The following HAS2 variants were observed in gnomAD, a reference collection of about 807,000 sequenced individuals.
The protein encoded by HAS2 is HA synthase 2.
In HAS2, 16 loss-of-function variants were observed where a neutral mutation model predicts 51.6. That is an observed-to-expected ratio of 0.31 (90% CI 0.21 to 0.47). The LOEUF is 0.47. Among genes scored for constraint, HAS2 ranks in the 20% least tolerant of loss-of-function variants. The probability of loss-of-function intolerance (pLI) is 1.00; values close to 1 mark genes in which losing one functional copy is unlikely to be tolerated. For synonymous variants in HAS2, 228 were observed against 235.5 expected, an observed-to-expected ratio of 0.97 and a Z score of 0.29; for missense variants, 361 against 662.6, an observed-to-expected ratio of 0.54 and a Z score of 5.00.
At chr8:121,619,367 C>T (rs1258680338) in intron 2 of HAS2, among the ~76,000 whole-genome samples, 2 of 152,060 alleles carry the variant, frequency 1.3e-5, no homozygotes, top group African/African-American at 4.8e-5. Context: ...TATGGGGCAT[C>T]AGAAGGTGAA....
At chr8:121,639,384 G>A (rs996863404) in intron 1 of HAS2, 46 of 152,594 alleles carry the variant, frequency 3.0e-4, no homozygotes, top group Admixed American at 2.4e-3. Flanking sequence ...ACGGTCCCAA[G>A]GGTGAGGGAG....
chr8:121,614,543 AGAG>A lies in HAS2; in HGVS notation c.1222_1224del (p.Leu408del). 6.2e-7 allele frequency: 1 copy of A among 1,614,202 alleles called. No homozygotes were observed. The highest frequency in any genetic ancestry group is 8.5e-7 in the Non-Finnish European group (1 of 1,179,996). On this transcript the variant is annotated inframe_deletion, in exon 4 of 4. Transcript: ENST00000303924. This position sits in a 1 kb window ranked among gnomAD's most constrained non-coding sequence, Gnocchi z 7.2. ...CCTACTAGCTGGACAGTTAACAAGAAGAGGAGAATGTTCCAAATTTTACCCCGG... is the reference window on the plus strand; with the variant it reads ...CCTACTAGCTGGACAGTTAACAAGAAGAGAATGTTCCAAATTTTACCCCGG...
At chr8:121,638,578 T>C (rs1813044242) in intron 1 of HAS2, among the ~76,000 whole-genome samples, 2 of 152,216 alleles carry the variant, frequency 1.3e-5, no homozygotes, top group Admixed American at 1.3e-4. Context: ...TCTAGAAATG[T>C]CCACTTAAAA....
intron 1 of HAS2, among the ~76,000 whole-genome samples, chr8:121,632,449 C>A (rs1432539395): frequency 3.3e-5 from 5 of 152,114 alleles, no homozygotes; most frequent in African/African-American, 1.2e-4. Context: ...GAAATCTACA[C>A]TCTCTAAATA....
intron 2 of HAS2, among the ~76,000 whole-genome samples, chr8:121,625,037 G>A (rs1369429295): frequency 2.0e-5 from 3 of 146,748 alleles, no homozygotes; most frequent in Non-Finnish European, 4.5e-5. Context: ...GGCGGAGCTT[G>A]CAGTGAGCCA....
At chr8:121,619,203 C>CCAT (rs1812745153) in intron 2 of HAS2, among the ~76,000 whole-genome samples, 1 of 151,546 alleles carries the variant, frequency 6.6e-6, no homozygotes, top group South Asian at 2.1e-4. Context: ...CAACAAGACC[C>CCAT]CATCTCAAAA....
At position 121,631,782 on chromosome 8, in the gene HAS2, C is replaced by T. The variant is rs930551140; in HGVS notation, c.1-2442G>A. On this transcript the variant is annotated intron_variant, in intron 1 of 3. Coordinates refer to ENST00000303924, the MANE Select transcript of HAS2 (RefSeq NM_005328.3). ...GACTTGGAACTTGTCATTTCCAAGACGTGAGTCATTCTCACAAGAGTGAAA... is the reference window on the plus strand; with the variant it reads ...GACTTGGAACTTGTCATTTCCAAGATGTGAGTCATTCTCACAAGAGTGAAA... 9.8e-5 allele frequency among the ~76,000 whole-genome samples: 15 copies of T among 152,340 alleles called. No individual in the cohort carries two copies. The East Asian group carries it at 2.3e-3, about 24-fold the overall frequency.
At chr8:121,623,389 A>C (rs1812800329) in intron 2 of HAS2, among the ~76,000 whole-genome samples, 2 of 152,160 alleles carry the variant, frequency 1.3e-5, no homozygotes, top group Non-Finnish European at 2.9e-5. Flanking sequence ...ACCATGAAGG[A>C]CCCTTATTCC....
At chr8:121,615,077 C>A in intron 3 of HAS2, 39 bp from the exon 4 acceptor site, 2 of 1,452,246 alleles carry the variant, frequency 1.4e-6, no homozygotes, top group Non-Finnish European at 1.9e-6. Context: ...TAAGCTTTAG[C>A]TAAAAATTCC....
At chr8:121,627,520 AAAC>A (rs1392875778) in intron 2 of HAS2, among the ~76,000 whole-genome samples, 2 of 152,342 alleles carry the variant, frequency 1.3e-5, no homozygotes, top group African/African-American at 2.4e-5. Context: ...AAATGATAAT[AAAC>A]AACAATATTA....
chr8:121,619,115 C>T (rs1273149605), intron 2 of HAS2, among the ~76,000 whole-genome samples: 1 of 151,830 alleles, frequency 6.6e-6, no homozygotes, highest in African/African-American at 2.4e-5. Context: ...TGGCTAACAC[C>T]TGTGTTAGGA....
chr8:121,636,688 G>GA (rs911818757), intron 1 of HAS2, among the ~76,000 whole-genome samples: 4 of 152,138 alleles, frequency 2.6e-5, no homozygotes, highest in African/African-American at 9.6e-5. Flanking sequence ...CAGTGTAGGG[G>GA]AAAAAAATTA....
chr8:121,629,710 A>C (rs1235214473), intron 1 of HAS2, among the ~76,000 whole-genome samples: 1 of 152,162 alleles, frequency 6.6e-6, no homozygotes, highest in African/African-American at 2.4e-5. Flanking sequence ...GAAGTTTCTA[A>C]CACCCAAAGA....
rs1283737421 is a variant in HAS2 at position 121,613,848 on chromosome 8, C to T, written c.*261G>A. 6 of 508,022 alleles carry T rather than the reference C, an allele frequency of 1.2e-5. No individual in the cohort carries two copies. The highest frequency in any genetic ancestry group is 3.3e-5 in the Admixed American group (1 of 30,660). The allele number at this position is 508,022 out of a possible 1,614,324, so 31.5% of individuals were successfully genotyped here. On this transcript the variant is annotated 3_prime_UTR_variant, in exon 4 of 4. Transcript: ENST00000303924. ...GTATATAGGGCAAAACACTTTCAGG[C>T]GGATGCACAGTAAGGAAAAAGTGCA... is the stretch of plus-strand genomic sequence containing the variant.
intron 2 of HAS2, among the ~76,000 whole-genome samples, chr8:121,622,686 C>CAA (rs201376901): frequency 3.1e-4 from 41 of 132,284 alleles, no homozygotes; most frequent in African/African-American, 1.1e-3. Context: ...CTCATACAAC[C>CAA]AAAAAAAAAA....
rs1174568728 is a variant in HAS2 at position 121,641,054 on chromosome 8, AT to A, written c.-203del. The stretch of plus-strand genomic sequence containing the variant: ...GTTTGATTCTTCCCCACTTTAAAAA[AT>A]AATTTCACTAATATTCTCTTTATGT... On this transcript the variant is annotated 5_prime_UTR_variant, in exon 1 of 4. Coordinates refer to ENST00000303924, the MANE Select transcript of HAS2 (RefSeq NM_005328.3). 6.6e-6 allele frequency: 1 copy of A among 151,782 alleles called. No individual in the cohort carries two copies. The highest frequency in any genetic ancestry group is 1.5e-5 in the Non-Finnish European group (1 of 68,004). 9.4% of individuals were successfully genotyped at this position (151,782 alleles called of 1,614,324 possible).
Position 121,639,021 on chromosome 8 carries a change from G to A in HAS2, c.-1+1832C>T, listed in dbSNP as rs376908665. ...TAACCTTTTTTAAAAATAATAACCT[G>A]GTTTAATACCGCCAGAAGTACTTAT... On this transcript the variant is annotated intron_variant, in intron 1 of 3. Coordinates refer to ENST00000303924, the MANE Select transcript of HAS2 (RefSeq NM_005328.3). Among the ~76,000 whole-genome samples the A allele has an allele frequency of 3.3e-5, 5 of 152,220 alleles. 1 individual carries two copies. The East Asian group carries it at 9.6e-4, about 29-fold the overall frequency.
intron 1 of HAS2, among the ~76,000 whole-genome samples, chr8:121,630,061 G>A (rs1048291050): frequency 6.6e-6 from 1 of 151,254 alleles, no homozygotes; most frequent in East Asian, 1.9e-4. Context: ...CTGCATAGAT[G>A]TCTATTAAAG....
intron 2 of HAS2, among the ~76,000 whole-genome samples, chr8:121,624,387 C>T (rs1164533458): frequency 6.6e-6 from 1 of 152,216 alleles, no homozygotes; most frequent in Admixed American, 6.5e-5. Flanking sequence ...GGAACATGCA[C>T]ATTGGATGAC....
Sources: gnomAD v4.1 joint callset for allele counts (sites outside exome capture counted in the v4.1 genomes callset) on GRCh38, gnomAD v4.1.1 for gene constraint, Gnocchi (gnomAD v3.1) non-coding constraint, MANE v1.5 for transcripts, NCBI Gene and HGNC (gene_info 2026-07-23, HGNC 2026-07-21) for gene names.